Variants in GRIK4 observed in about 807,000 individuals in gnomAD.
The protein encoded by GRIK4 is glutamate receptor ionotropic, kainate 4.
Under a neutral mutation model 104.9 loss-of-function variants are expected in GRIK4, and 40 were observed. That is an observed-to-expected ratio of 0.38 (90% CI 0.30 to 0.50). The LOEUF is 0.50. Ranked by LOEUF, GRIK4 falls within the 20% of genes least tolerant of loss-of-function variation. GRIK4 has a pLI of 0.93. For synonymous variants in GRIK4, 485 were observed against 524.9 expected, an observed-to-expected ratio of 0.92 and a Z score of 1.04; for missense variants, 1,047 against 1,308.1, an observed-to-expected ratio of 0.80 and a Z score of 3.08.
At chr11:120,661,932 A>G (rs144202451) in intron 3 of GRIK4, among the ~76,000 whole-genome samples, 25 of 152,400 alleles carry the variant, frequency 1.6e-4, no homozygotes, top group African/African-American at 5.8e-4. Context: ...CAGCAATGCA[A>G]AACGGTTCAT....
Position 120,675,558 on chromosome 11 carries a change from T to G in GRIK4, c.82+15158T>G, listed in dbSNP as rs553510766. Among the ~76,000 whole-genome samples the G allele has an allele frequency of 6.6e-5, 10 of 152,280 alleles. No individual in the cohort carries two copies. In the South Asian group the frequency reaches 2.1e-3, roughly 32 times the overall value. ...ACAGTGTGTGGCATATAAGAAATAT[T>G]AGTTTCTATTTTTTTATTTATTTAA... On this transcript the variant is annotated intron_variant, in intron 3 of 20. Transcript: ENST00000527524.
chr11:120,980,508 A>C (rs150869483), intron 19 of GRIK4, among the ~76,000 whole-genome samples: 1 of 152,184 alleles, frequency 6.6e-6, no homozygotes, highest in East Asian at 1.9e-4. Flanking sequence ...TTTCTACCCA[A>C]ATGCCCCAGG....
intron 11 of GRIK4, among the ~76,000 whole-genome samples, chr11:120,879,001 C>A (rs564225997): frequency 6.6e-6 from 1 of 152,192 alleles, no homozygotes; most frequent in South Asian, 2.1e-4. Context: ...ACACCACATG[C>A]GCACTTTGCA....
intron 16 of GRIK4, among the ~76,000 whole-genome samples, chr11:120,957,954 T>A (rs1378611095): frequency 1.3e-5 from 2 of 152,182 alleles, no homozygotes. Context: ...GGCGAGATGC[T>A]TGCCTGTTAC....
chr11:120,938,933 G>A (rs1322184406), intron 13 of GRIK4, among the ~76,000 whole-genome samples: 1 of 152,212 alleles, frequency 6.6e-6, no homozygotes, highest in East Asian at 1.9e-4. Context: ...AATTGACCCA[G>A]CAGGTGATTC....
chr11:120,535,375 G>T (rs939013538), intron 1 of GRIK4, among the ~76,000 whole-genome samples: 4 of 151,744 alleles, frequency 2.6e-5, no homozygotes, highest in Admixed American at 2.0e-4. Flanking sequence ...TGTGAAGGGG[G>T]AGGTAAGAGG....
chr11:120,958,781 C>T (rs931157828), intron 16 of GRIK4, among the ~76,000 whole-genome samples: 1 of 152,204 alleles, frequency 6.6e-6, no homozygotes, highest in Non-Finnish European at 1.5e-5. Flanking sequence ...GTAGCCAACT[C>T]TGAAGTCATG....
At chr11:120,961,577 A>T (rs1480962327) in intron 17 of GRIK4, among the ~76,000 whole-genome samples, 1 of 152,210 alleles carries the variant, frequency 6.6e-6, no homozygotes, top group Non-Finnish European at 1.5e-5. Flanking sequence ...CTGATTCCAG[A>T]CTTGATAGGT....
chr11:120,660,217 G>GC, intron 2 of GRIK4, 52 bp from the exon 3 acceptor site: 1 of 780,168 alleles, frequency 1.3e-6, no homozygotes, highest in Non-Finnish European at 2.2e-6. Flanking sequence ...TGGTGGGGCA[G>GC]CTGCCTAGCT....
At chr11:120,721,522 A>G (rs1393251345) in intron 3 of GRIK4, among the ~76,000 whole-genome samples, 1 of 152,198 alleles carries the variant, frequency 6.6e-6, no homozygotes, top group African/African-American at 2.4e-5. Context: ...GGGATCACTC[A>G]GGAGCAAGCA....
In GRIK4 at chr11:120,660,333, G is replaced by C; in HGVS notation, c.15G>C (p.Ser5=). The change falls in exon 3 of 21, where the codon TCG becomes TCC. Residue 5 remains serine (S), a synonymous_variant. Transcript: ENST00000527524. Reference sequence around the variant, plus strand: ...ATTCATAGAAGATGCCCCGCGTCTCGGCGCCTTTGGTGCTGCTTCCTGCGT... The same window carrying C: ...ATTCATAGAAGATGCCCCGCGTCTCCGCGCCTTTGGTGCTGCTTCCTGCGT... MPRV[S]APLVLLPAWL... is the part of the protein sequence containing the mutation. 6.2e-7 allele frequency: 1 copy of C among 1,613,150 alleles called. No homozygotes were observed. Among genetic ancestry groups the C allele is most frequent in the Non-Finnish European group, 8.5e-7 (1 of 1,179,732 alleles).
chr11:120,654,766 G>A (rs1469730313), intron 2 of GRIK4, among the ~76,000 whole-genome samples: 1 of 152,104 alleles, frequency 6.6e-6, no homozygotes, highest in Non-Finnish European at 1.5e-5. Context: ...CCCATATTAC[G>A]AATGAAGAAG....
chr11:120,775,647 T>C lies in GRIK4; in HGVS notation c.83-27046T>C, dbSNP rs117159341. 3.4e-3 allele frequency among the ~76,000 whole-genome samples: 522 copies of C among 152,364 alleles called. 7 individuals are homozygous for C. In the East Asian group the frequency reaches 0.038, roughly 11 times the overall value. The stretch of plus-strand genomic sequence containing the variant: ...GCGATGAGATTTTTACAAATTATCC[T>C]AGCAGGAAGACCTTGACTAATACCC... On this transcript the variant is annotated intron_variant, in intron 3 of 20. Transcript: ENST00000527524.
At chr11:120,738,567 C>T (rs181110603) in intron 3 of GRIK4, among the ~76,000 whole-genome samples, 10 of 152,286 alleles carry the variant, frequency 6.6e-5, no homozygotes, top group East Asian at 3.9e-4. Context: ...CTGTCTCATG[C>T]GCTGCTCTGC....
intron 13 of GRIK4, among the ~76,000 whole-genome samples, chr11:120,908,621 G>A (rs1489998096): frequency 6.6e-6 from 1 of 152,196 alleles, no homozygotes; most frequent in East Asian, 1.9e-4. Context: ...CAGGCGGGGA[G>A]AGTATGCAGA....
intron 9 of GRIK4, chr11:120,873,727 C>T (rs1237065665): frequency 5.0e-6 from 1 of 200,582 alleles, no homozygotes; most frequent in African/African-American, 2.3e-5. Flanking sequence ...GTGCCCTCTT[C>T]TTCAGGATTC....
In GRIK4 at chr11:120,952,271, C is replaced by T. The variant is rs1042352523; in HGVS notation, c.1591-584C>T. On this transcript the variant is annotated intron_variant, in intron 14 of 20. Transcript: ENST00000527524. This position sits in a 1 kb window ranked among gnomAD's most constrained non-coding sequence, Gnocchi z 5.2. ...CTCTTCCATTTACGCACTGTGGAACCTCGGGCACATCTCTGACTGCCCTCG... is the reference window on the plus strand; with the variant it reads ...CTCTTCCATTTACGCACTGTGGAACTTCGGGCACATCTCTGACTGCCCTCG... Among the ~76,000 whole-genome samples, 1 of 152,162 alleles carries T rather than the reference C, an allele frequency of 6.6e-6. No individual in the cohort carries two copies. Among genetic ancestry groups the T allele is most frequent in the Non-Finnish European group, 1.5e-5 (1 of 68,034 alleles).
In GRIK4 at chr11:120,952,589, A is replaced by G. The variant is rs1944027610; in HGVS notation, c.1591-266A>G. Among the ~76,000 whole-genome samples the G allele has an allele frequency of 6.6e-6, 1 of 152,184 alleles. No individual in the cohort carries two copies. The highest frequency in any genetic ancestry group is 6.5e-5 in the Admixed American group (1 of 15,278). ...GCACTGAGGGTTGTTCCTCTTTGCC[A>G]GCACAAAGCCTGCCTCACCCCAGGG... On this transcript the variant is annotated intron_variant, in intron 14 of 20. Coordinates refer to ENST00000527524, the MANE Select transcript of GRIK4 (RefSeq NM_014619.5). The surrounding 1 kb of genome is among the most constrained non-coding windows in gnomAD (Gnocchi z 5.2).
At chr11:120,948,710 T>C (rs1419674779) in intron 14 of GRIK4, among the ~76,000 whole-genome samples, 2 of 152,208 alleles carry the variant, frequency 1.3e-5, no homozygotes, top group Non-Finnish European at 2.9e-5. Flanking sequence ...TAGTATTTCT[T>C]GTCCATTGAG....
Sources: allele counts gnomAD v4.1 joint callset (sites outside exome capture counted in the v4.1 genomes callset), GRCh38; gene constraint gnomAD v4.1.1; non-coding constraint Gnocchi (gnomAD v3.1); transcripts MANE v1.5; gene names NCBI Gene and HGNC (gene_info 2026-07-23, HGNC 2026-07-21).